Variants in GFOD1 observed in about 807,000 individuals in gnomAD.
GFOD1 encodes Gfo/Idh/MocA-like oxidoreductase domain containing 1, also known as glucose-fructose oxidoreductase domain-containing protein 1.
GFOD1 carries 9 observed loss-of-function variants against 25.4 expected under a neutral mutation model. That is an observed-to-expected ratio of 0.35 (90% CI 0.21 to 0.62). The LOEUF is 0.62. Among genes scored for constraint, GFOD1 ranks in the 20% least tolerant of loss-of-function variants. GFOD1 has a pLI of 0.72. For missense variants in GFOD1, 403 were observed against 556.9 expected (o/e 0.72, Z 2.78); for synonymous variants, 253 against 245.6 (o/e 1.03, Z -0.28).
intron 1 of GFOD1, chr6:13,408,198 G>T: frequency 1.7e-6 from 1 of 578,624 alleles, no homozygotes; most frequent in Non-Finnish European, 2.2e-6. Flanking sequence ...AATTGAATGT[G>T]GCCTTGGGCC....
chr6:13,416,220 T>C (rs890854978), intron 1 of GFOD1, among the ~76,000 whole-genome samples: 1 of 152,182 alleles, frequency 6.6e-6, no homozygotes, highest in Non-Finnish European at 1.5e-5. Flanking sequence ...TGAGGCCTCA[T>C]TGGCCATGAA....
intron 1 of GFOD1, among the ~76,000 whole-genome samples, chr6:13,435,406 C>T (rs947447072): frequency 2.6e-5 from 4 of 152,166 alleles, no homozygotes; most frequent in African/African-American, 9.7e-5. Context: ...CTACTTCAGA[C>T]CCCTGGCATA....
intron 1 of GFOD1, among the ~76,000 whole-genome samples, chr6:13,397,284 G>T (rs538843708): frequency 1.3e-5 from 2 of 152,100 alleles, no homozygotes; most frequent in African/African-American, 4.8e-5. Context: ...TCTAAAGCCC[G>T]GCAATTCCAC....
intron 1 of GFOD1, among the ~76,000 whole-genome samples, chr6:13,454,011 A>T (rs1182750226): frequency 6.6e-6 from 1 of 152,242 alleles, no homozygotes; most frequent in Non-Finnish European, 1.5e-5. Flanking sequence ...ATTAGTCAGG[A>T]TGAAGTCATG....
intron 1 of GFOD1, among the ~76,000 whole-genome samples, chr6:13,484,981 A>G (rs958653841): frequency 6.6e-6 from 1 of 152,236 alleles, no homozygotes; most frequent in African/African-American, 2.4e-5. Flanking sequence ...TAAGATCGTT[A>G]TAAGATATTT....
At chr6:13,454,852 T>C (rs1041934471) in intron 1 of GFOD1, among the ~76,000 whole-genome samples, 1 of 152,020 alleles carries the variant, frequency 6.6e-6, no homozygotes, top group African/African-American at 2.4e-5. Flanking sequence ...GCCCCACAAA[T>C]GGACACCAGA....
chr6:13,478,883 C>T (rs762381825), intron 1 of GFOD1, among the ~76,000 whole-genome samples: 16 of 152,048 alleles, frequency 1.1e-4, no homozygotes, highest in African/African-American at 1.9e-4. Flanking sequence ...CCTGTTCCTG[C>T]GTCATGTGGG....
chr6:13,424,351 T>C (rs1241165738), intron 1 of GFOD1, among the ~76,000 whole-genome samples: 2 of 152,190 alleles, frequency 1.3e-5, no homozygotes, highest in Non-Finnish European at 2.9e-5. Context: ...AAGATGATGA[T>C]GATGATGATG....
At chr6:13,409,148 AGAGAG>A (rs1411321175) in intron 1 of GFOD1, among the ~76,000 whole-genome samples, 783 of 22,356 alleles carry the variant, frequency 0.035, 119 homozygotes, top group Admixed American at 0.041. Context: ...AAAGAAAGAA[AGAGAG>A]GAAAGAAAGA....
chr6:13,486,258 C>CCCCCCCA (rs1562234483), intron 1 of GFOD1: 1 of 247,248 alleles, frequency 4.0e-6, no homozygotes, highest in African/African-American at 3.7e-5. Flanking sequence ...CCCCCCCCCC[C>CCCCCCCA]ACACACACAC....
intron 1 of GFOD1, among the ~76,000 whole-genome samples, chr6:13,378,899 C>T (rs758173298): frequency 6.6e-6 from 1 of 152,176 alleles, no homozygotes; most frequent in African/African-American, 2.4e-5. Flanking sequence ...ACAAGAGATC[C>T]TCCTGCTTCA....
chr6:13,441,264 G>A (rs992201277), intron 1 of GFOD1, among the ~76,000 whole-genome samples: 26 of 152,242 alleles, frequency 1.7e-4, no homozygotes, highest in African/African-American at 5.5e-4. Flanking sequence ...CCACATCCAC[G>A]CTGCCAGCAC....
chr6:13,394,466 A>AT (rs70989855), intron 1 of GFOD1, among the ~76,000 whole-genome samples: 1,500 of 75,846 alleles, frequency 0.02, 193 homozygotes, highest in African/African-American at 0.067. Context: ...TACCCTTTGA[A>AT]TTTTTTTTTT....
At chr6:13,485,690 G>C (rs1044887202) in intron 1 of GFOD1, among the ~76,000 whole-genome samples, 1 of 152,156 alleles carries the variant, frequency 6.6e-6, no homozygotes, top group Non-Finnish European at 1.5e-5. Context: ...GAGTTGAGGG[G>C]AGCAGGGACC....
chr6:13,423,183 T>C (rs6458815), intron 1 of GFOD1, among the ~76,000 whole-genome samples: 60,789 of 151,776 alleles, frequency 0.4, 15,399 homozygotes, highest in African/African-American at 0.73. Context: ...CCCCAGACAG[T>C]GTTAGATTTC....
At chr6:13,420,458 T>C (rs1437110497) in intron 1 of GFOD1, among the ~76,000 whole-genome samples, 1 of 152,128 alleles carries the variant, frequency 6.6e-6, no homozygotes, top group Non-Finnish European at 1.5e-5. Context: ...TACAGCTAGC[T>C]TGAGAGTGGA....
intron 1 of GFOD1, among the ~76,000 whole-genome samples, chr6:13,468,044 T>C (rs1252161053): frequency 6.6e-6 from 1 of 152,232 alleles, no homozygotes; most frequent in Non-Finnish European, 1.5e-5. Context: ...CCCATCTTAT[T>C]GTCTCTTTCT....
chr6:13,467,693 G>A (rs1488031256), intron 1 of GFOD1, among the ~76,000 whole-genome samples: 1 of 152,220 alleles, frequency 6.6e-6, no homozygotes, highest in Non-Finnish European at 1.5e-5. Context: ...GCAAATGCAG[G>A]AGGCAGAGAA....
chr6:13,380,506 C>T (rs768889948), intron 1 of GFOD1, among the ~76,000 whole-genome samples: 1 of 152,130 alleles, frequency 6.6e-6, no homozygotes, highest in Non-Finnish European at 1.5e-5. Context: ...GGGGTGCTGG[C>T]GGGAGCAGCT....
Sources: allele counts gnomAD v4.1 joint callset (sites outside exome capture counted in the v4.1 genomes callset), GRCh38; gene constraint gnomAD v4.1.1; transcripts MANE v1.5; gene names NCBI Gene and HGNC (gene_info 2026-07-23, HGNC 2026-07-21).